The following AACS variants were observed in gnomAD, a reference collection of about 807,000 sequenced individuals.
The protein encoded by AACS is acetoacetyl-CoA synthetase.
Under a neutral mutation model 83.1 loss-of-function variants are expected in AACS, and 69 were observed. The ratio of observed to expected loss-of-function variants is 0.83; its 90% CI spans 0.68 to 1.01. The LOEUF (loss-of-function observed/expected upper bound fraction) is 1.01. AACS is among the 50% of genes least tolerant of loss of function. The pLI is 0.00. For missense variants in AACS, 866 were observed against 882.2 expected (o/e 0.98, Z 0.23); for synonymous variants, 333 against 343.4 (o/e 0.97, Z 0.33).
intron 3 of AACS, among the ~76,000 whole-genome samples, chr12:125,078,820 CAAAAAAAAAAAAA>C (rs71092270): frequency 1.9e-5 from 1 of 52,026 alleles, no homozygotes; most frequent in African/African-American, 9.7e-5. Flanking sequence ...GACTCCGTCT[CAAAAAAAAAAAAA>C]AAAAAAAAAA....
In AACS at chr12:125,110,522, C is replaced by T. The variant is rs142545874; in HGVS notation, c.915+3254C>T. 1.1e-4 allele frequency among the ~76,000 whole-genome samples: 16 copies of T among 152,308 alleles called. No individual in the cohort carries two copies. In the East Asian group the frequency reaches 3.1e-3, roughly 29 times the overall value. On this transcript the variant is annotated intron_variant, in intron 8 of 17. Coordinates refer to ENST00000316519, the MANE Select transcript of AACS (RefSeq NM_023928.5). ...AGTCAGGATGCTTGCGACGCCGTGGCTCCCACCCTCACGCTGCTCTAGGCT... is the reference window on the plus strand; with the variant it reads ...AGTCAGGATGCTTGCGACGCCGTGGTTCCCACCCTCACGCTGCTCTAGGCT...
chr12:125,124,698 A>G lies in AACS; in HGVS notation c.1122-7A>G, dbSNP rs1957216861. On this transcript the variant is annotated splice_region_variant and splice_polypyrimidine_tract_variant and intron_variant, in intron 10 of 17. Transcript: ENST00000316519. ...TTCTGGTGTTTTCTTTCCCGCCTGC[A>G]CCCTAGCATCACTGTCCTGGTAACT... The G allele has an allele frequency of 1.9e-6, 3 of 1,613,652 alleles. No homozygotes were observed. Among genetic ancestry groups the G allele is most frequent in the Non-Finnish European group, 2.5e-6 (3 of 1,179,994 alleles).
In AACS at chr12:125,129,467, T is replaced by G; in HGVS notation, c.1549+7T>G. The G allele has an allele frequency of 1.2e-6, 2 of 1,612,486 alleles. No homozygotes were observed. Among genetic ancestry groups the G allele is most frequent in the Non-Finnish European group, 1.7e-6 (2 of 1,179,120 alleles). The stretch of plus-strand genomic sequence containing the variant: ...TATTTCTCCAAATTCCCAGGTCGGT[T>G]GGAGAGATGCAGACAGAGCTGGCCA... On this transcript the variant is annotated splice_region_variant and intron_variant, in intron 14 of 17. Coordinates refer to ENST00000316519, the MANE Select transcript of AACS (RefSeq NM_023928.5). The surrounding 1 kb of genome is among the most constrained non-coding windows in gnomAD (Gnocchi z 4.3).
intron 12 of AACS, chr12:125,126,531 A>G (rs878879403): frequency 6.6e-6 from 1 of 151,426 alleles, no homozygotes; most frequent in Non-Finnish European, 1.5e-5. Context: ...TCCCCTTCAC[A>G]TGACTTAAGA....
At chr12:125,128,118 T>C in intron 12 of AACS, 43 bp from the exon 13 acceptor site, 1 of 1,481,428 alleles carries the variant, frequency 6.8e-7, no homozygotes, top group Non-Finnish European at 9.3e-7. Context: ...ACAATTTGTC[T>C]TGGGCTTCTA....
At chr12:125,083,331 T>C (rs565114629) in intron 3 of AACS, among the ~76,000 whole-genome samples, 145 of 152,304 alleles carry the variant, frequency 9.5e-4, no homozygotes, top group African/African-American at 3.4e-3. Flanking sequence ...GGAACTGCAG[T>C]GACTCTTATG....
At position 125,094,132 on chromosome 12, in the gene AACS, T is replaced by C. The variant is rs891949829; in HGVS notation, c.570+2609T>C. ...CCTGGAGTTGCTGATGAGGTGGGGC[T>C]GGAACTGAGCCAAGGCTGATGGGTT... On this transcript the variant is annotated intron_variant, in intron 5 of 17. Transcript: ENST00000316519. This position sits in a 1 kb window ranked among gnomAD's most constrained non-coding sequence, Gnocchi z 4.1. Among the ~76,000 whole-genome samples, 2 of 152,202 alleles carry C rather than the reference T, an allele frequency of 1.3e-5. No individual in the cohort carries two copies. The highest frequency in any genetic ancestry group is 2.9e-5 in the Non-Finnish European group (2 of 68,018).
At position 125,113,809 on chromosome 12, in the gene AACS, G is replaced by A. The variant is rs1292920902; in HGVS notation, c.916-668G>A. 6.6e-6 allele frequency among the ~76,000 whole-genome samples: 1 copy of A among 152,186 alleles called. No individual in the cohort carries two copies. Among genetic ancestry groups the A allele is most frequent in the East Asian group, 1.9e-4 (1 of 5,200 alleles). Reference sequence around the variant, plus strand: ...TGGGTACAGGACAGGGAGAGAGGACGGCTTTTCATAGTATCTGCTTCAGAG... The same window carrying A: ...TGGGTACAGGACAGGGAGAGAGGACAGCTTTTCATAGTATCTGCTTCAGAG... On this transcript the variant is annotated intron_variant, in intron 8 of 17. Transcript: ENST00000316519. This position sits in a 1 kb window ranked among gnomAD's most constrained non-coding sequence, Gnocchi z 4.8.
intron 5 of AACS, 154 bp from the exon 6 acceptor site, chr12:125,102,525 T>C (rs1457912711): frequency 4.4e-6 from 3 of 682,472 alleles, no homozygotes; most frequent in Admixed American, 2.0e-5. Context: ...AATGCAGTGG[T>C]GCAAGCATAG....
rs138181368 is a variant in AACS at position 125,076,505 on chromosome 12, G to A, written c.252G>A (p.Ser84=). 31 of 1,614,098 alleles carry A rather than the reference G, an allele frequency of 1.9e-5. No homozygotes were observed. Among genetic ancestry groups the A allele is most frequent in the Middle Eastern group, 1.6e-4 (1 of 6,062 alleles). The change falls in exon 3 of 18, where the codon TCG becomes TCA. Residue 84 remains serine (S), a synonymous_variant. Transcript: ENST00000316519. ...SRVYDEVVDT[S]KGIADVPEWF... is the part of the protein sequence containing the mutation. Reference sequence around the variant, plus strand: ...ATTCTCTATAGGTTGTGGACACATCGAAAGGAATCGCAGATGTCCCCGAGT... The same window carrying A: ...ATTCTCTATAGGTTGTGGACACATCAAAAGGAATCGCAGATGTCCCCGAGT...
In AACS at chr12:125,142,465, G is replaced by T. The variant is rs1957515844; in HGVS notation, c.*236G>T. ...GAGGGAGTGTCTGGGCCGCAGGTGT[G>T]GCACTGTGGTGAGAGTGTGTGTCTT... On this transcript the variant is annotated 3_prime_UTR_variant, in exon 18 of 18. Coordinates refer to ENST00000316519, the MANE Select transcript of AACS (RefSeq NM_023928.5). 4 of 562,480 alleles carry T rather than the reference G, an allele frequency of 7.1e-6. No homozygotes were observed. Among genetic ancestry groups the T allele is most frequent in the Non-Finnish European group, 1.3e-5 (4 of 319,986 alleles). 34.8% of individuals were successfully genotyped at this position (562,480 alleles called of 1,614,324 possible).
At chr12:125,114,319 G>A (rs559006597) in intron 8 of AACS, 158 bp from the exon 9 acceptor site, 4 of 570,942 alleles carry the variant, frequency 7.0e-6, no homozygotes, top group African/African-American at 3.8e-5. Context: ...ACAGGGGAGT[G>A]GGGGGAACCC....
chr12:125,102,718 A>T lies in AACS; in HGVS notation c.610A>T (p.Ile204Phe). The change falls in exon 6 of 18, where the codon ATC becomes TTC. Residue 204 changes from isoleucine to phenylalanine, a missense_variant. By Grantham distance (21) the Ile-to-Phe change is conservative. Coordinates refer to ENST00000316519, the MANE Select transcript of AACS (RefSeq NM_023928.5). ...DRFSQIQPKL[I>F]FSVEAVVYNG... The stretch of plus-strand genomic sequence containing the variant: ...GTTTTCTCAAATTCAGCCAAAGCTC[A>T]TCTTCTCTGTGGAGGCTGTTGTCTA... 1 of 1,614,014 alleles carries T rather than the reference A, an allele frequency of 6.2e-7. No homozygotes were observed. The highest frequency in any genetic ancestry group is 8.5e-7 in the Non-Finnish European group (1 of 1,179,994).
intron 16 of AACS, chr12:125,135,883 C>G (rs759219000): frequency 6.6e-6 from 1 of 151,984 alleles, no homozygotes; most frequent in Non-Finnish European, 1.5e-5. Context: ...GTAGCTGGGT[C>G]TACAGGCGTG....
Position 125,086,359 on chromosome 12 carries a change from A to G in AACS, c.388A>G (p.Thr130Ala), listed in dbSNP as rs1039119221. The G allele has an allele frequency of 1.9e-6, 3 of 1,614,100 alleles. No individual in the cohort carries two copies. Among genetic ancestry groups the G allele is most frequent in the Non-Finnish European group, 2.5e-6 (3 of 1,180,000 alleles). Residue 130 changes from threonine to alanine, a missense_variant, in exon 4 of 18, where the codon ACT becomes GCT. Thr to Ala is a moderately conservative substitution (Grantham distance 58). Coordinates refer to ENST00000316519, the MANE Select transcript of AACS (RefSeq NM_023928.5). ...AGGCAAAGAGGAAATTGTGAAGGTGACTTTTGAAGAGCTGAGGCAAGAAGT... is the reference window on the plus strand; with the variant it reads ...AGGCAAAGAGGAAATTGTGAAGGTGGCTTTTGAAGAGCTGAGGCAAGAAGT... Reference protein sequence around the residue: ...REGKEEIVKVTFEELRQEVAL... With the variant: ...REGKEEIVKVAFEELRQEVAL...
At chr12:125,119,573 G>A (rs943194020) in intron 10 of AACS, among the ~76,000 whole-genome samples, 4 of 152,220 alleles carry the variant, frequency 2.6e-5, no homozygotes, top group Admixed American at 6.5e-5. Context: ...GCAAGAGAGC[G>A]TGTGCAGGAG....
In AACS at chr12:125,136,695, G is replaced by A; in HGVS notation, c.1712G>A (p.Cys571Tyr). Residue 571 changes from cysteine to tyrosine, a missense_variant, in exon 17 of 18, where the codon TGT (cysteine) becomes TAT (tyrosine). Transcript: ENST00000316519. The part of the protein sequence containing the change: ...ESFEEVEDSL[C>Y]VPQYNKYREE... ...TTCGAGGAGGTGGAGGACAGCCTGT[G>A]TGTCCCCCAGTATAACAAGTACAGG... 1 of 1,614,068 alleles carries A rather than the reference G, an allele frequency of 6.2e-7. No homozygotes were observed. The highest frequency in any genetic ancestry group is 8.5e-7 in the Non-Finnish European group (1 of 1,180,012).
chr12:125,128,346 A>G (rs1957278709), intron 13 of AACS, 72 bp downstream of exon 13: 4 of 1,372,548 alleles, frequency 2.9e-6, no homozygotes, highest in Non-Finnish European at 4.0e-6. Context: ...TCGGATGTGT[A>G]ACTTTGCTTG....
At chr12:125,136,337 A>G (rs552752338) in intron 16 of AACS, 10 of 320,710 alleles carry the variant, frequency 3.1e-5, no homozygotes, top group African/African-American at 2.1e-4. Context: ...GGCGTGAGCC[A>G]CCATGCCCGG....
Sources: gnomAD v4.1 joint callset for allele counts (sites outside exome capture counted in the v4.1 genomes callset) on GRCh38, gnomAD v4.1.1 for gene constraint, Gnocchi (gnomAD v3.1) non-coding constraint, MANE v1.5 for transcripts, NCBI Gene and HGNC (gene_info 2026-07-23, HGNC 2026-07-21) for gene names.